Variants in ZNF398 observed in about 807,000 individuals in gnomAD.
The protein encoded by ZNF398 is zinc finger DNA binding protein ZER6.
Under a neutral mutation model 41.9 loss-of-function variants are expected in ZNF398, and 18 were observed. That is an observed-to-expected ratio of 0.43 (90% CI 0.30 to 0.64). The LOEUF is 0.64. Among genes scored for constraint, ZNF398 ranks in the 30% least tolerant of loss-of-function variants. The pLI, the probability that ZNF398 is intolerant of heterozygous loss-of-function variation, is 0.14. For synonymous variants in ZNF398, 260 were observed against 308.8 expected (o/e 0.84, Z 1.66); for missense variants, 669 against 822.8 (o/e 0.81, Z 2.29).
At chr7:149,133,674 T>TATATAC (rs1345401645) in intron 2 of ZNF398, among the ~76,000 whole-genome samples, 2 of 53,260 alleles carry the variant, frequency 3.8e-5, no homozygotes, top group Non-Finnish European at 3.6e-5. Context: ...TATATATATA[T>TATATAC]ATATACATAT....
chr7:149,135,612 A>G (rs1320217849), intron 2 of ZNF398, among the ~76,000 whole-genome samples: 1 of 151,260 alleles, frequency 6.6e-6, no homozygotes, highest in Non-Finnish European at 1.5e-5. Flanking sequence ...ACACCTGGAG[A>G]ACTTATCCAT....
chr7:149,133,119 C>CT (rs146675534), intron 2 of ZNF398, among the ~76,000 whole-genome samples: 311 of 143,300 alleles, frequency 2.2e-3, no homozygotes, highest in Admixed American at 3.7e-3. Flanking sequence ...ATCAGTAAGG[C>CT]TTTTTTTTTT....
intron 2 of ZNF398, among the ~76,000 whole-genome samples, chr7:149,141,152 T>C (rs948039873): frequency 2.0e-5 from 3 of 152,000 alleles, no homozygotes; most frequent in Non-Finnish European, 4.4e-5. Context: ...GAGAATCTCA[T>C]CTACAACACA....
chr7:149,126,418 G>T, exon 1 of ZNF398: 2 of 976,238 alleles, frequency 2.0e-6, no homozygotes, highest in Non-Finnish European at 2.9e-6. Flanking sequence ...AGAGGGAGTC[G>T]GTCCTCAGAG....
chr7:149,141,456 C>CT (rs60019784), intron 2 of ZNF398, among the ~76,000 whole-genome samples: 2,913 of 128,208 alleles, frequency 0.023, 73 homozygotes, highest in African/African-American at 0.053. Context: ...TCTTTTTTTT[C>CT]TTTTTTTTTT....
At chr7:149,149,729 C>T (rs1251000913) in intron 1 of ZNF398, among the ~76,000 whole-genome samples, 1 of 151,994 alleles carries the variant, frequency 6.6e-6, no homozygotes, top group Admixed American at 6.6e-5. Context: ...ACTTGTACTC[C>T]CAGCTACTCA....
chr7:149,153,364 G>A lies in ZNF398; in HGVS notation c.25-581G>A, dbSNP rs561268739. On this transcript the variant is annotated intron_variant, in intron 1 of 5. Transcript: ENST00000475153. ...CAAAGTTTGCCTGTCTGAAAATTTC[G>A]TTATGTTGGTTCTAGTTCTGCCCTC... Among the ~76,000 whole-genome samples the A allele has an allele frequency of 5.3e-5, 8 of 152,242 alleles. No homozygotes were observed. The South Asian group carries it at 1.5e-3, about 28-fold the overall frequency.
At position 149,133,846 on chromosome 7, in the gene ZNF398, C is replaced by T. The variant is rs180720692; in HGVS notation, c.-490+4902C>T. 5.8e-4 allele frequency among the ~76,000 whole-genome samples: 85 copies of T among 145,428 alleles called. No individual in the cohort carries two copies. The East Asian group carries it at 0.014, about 24-fold the overall frequency. On this transcript the variant is annotated intron_variant, in intron 2 of 6. Transcript: ENST00000426851. Reference sequence around the variant, plus strand: ...GGCTCACCGCAACCTCTGCCTCCTGCGTTCAAGCGATTCTCCTGCCTCAGC... The same window carrying T: ...GGCTCACCGCAACCTCTGCCTCCTGTGTTCAAGCGATTCTCCTGCCTCAGC...
At chr7:149,155,704 TA>T (rs1484629796) in intron 2 of ZNF398, among the ~76,000 whole-genome samples, 221 of 49,558 alleles carry the variant, frequency 4.5e-3, no homozygotes, top group African/African-American at 7.5e-3. Context: ...TATATATATA[TA>T]TATTTTTTTT....
Position 149,179,680 on chromosome 7 carries a change from A to G in ZNF398, c.1808A>G (p.Gln603Arg), listed in dbSNP as rs1207610797. 1 of 1,614,218 alleles carries G rather than the reference A, an allele frequency of 6.2e-7. No homozygotes were observed. Among genetic ancestry groups the G allele is most frequent in the Admixed American group, 1.7e-5 (1 of 60,014 alleles). Residue 603 changes from glutamine (Q) to arginine (R), a missense_variant, in exon 6 of 6, where the codon CAG (glutamine) becomes CGG (arginine). By Grantham distance (43) the Gln-to-Arg change is conservative (BLOSUM62 1). Around this residue, in one of 3 missense-constraint regions of ZNF398, gnomAD observed 210 missense variants for 290.4 expected, o/e 0.72. Coordinates refer to ENST00000475153, the MANE Select transcript of ZNF398 (RefSeq NM_170686.3). This position sits in a 1 kb window ranked among gnomAD's most constrained non-coding sequence, Gnocchi z 6.1. ...GCGGDSDPSG[Q>R]PPNPPGPLIT... ...GGGGGTGATAGTGACCCATCAGGTC[A>G]GCCACCCAACCCACCAGGTCCCCTC...
At chr7:149,177,332 C>T (rs1345669134) in intron 5 of ZNF398, among the ~76,000 whole-genome samples, 2 of 152,000 alleles carry the variant, frequency 1.3e-5, no homozygotes, top group African/African-American at 2.4e-5. Context: ...CTTGGTGACT[C>T]GTGCCTGTAA....
At chr7:149,156,092 A>C (rs1794971014) in intron 2 of ZNF398, among the ~76,000 whole-genome samples, 1 of 152,072 alleles carries the variant, frequency 6.6e-6, no homozygotes, top group African/African-American at 2.4e-5. Flanking sequence ...GAAGAACTGA[A>C]GAAGGGAGGA....
chr7:149,156,039 G>A (rs988721254), intron 2 of ZNF398, among the ~76,000 whole-genome samples: 5 of 151,850 alleles, frequency 3.3e-5, no homozygotes, highest in Non-Finnish European at 4.4e-5. Context: ...TTTATATATT[G>A]AAAGAATCCC....
In ZNF398 at chr7:149,179,081, T is replaced by G; in HGVS notation, c.1209T>G (p.Cys403Trp). The G allele has an allele frequency of 1.9e-6, 3 of 1,613,960 alleles. No homozygotes were observed. Among genetic ancestry groups the G allele is most frequent in the Non-Finnish European group, 2.5e-6 (3 of 1,179,996 alleles). Reference protein sequence around the residue: ...ASETPPTCPHCARTFTHPSRL... With the variant: ...ASETPPTCPHWARTFTHPSRL... ...AGACACCCCCCACCTGCCCACACTG[T>G]GCCAGGACTTTTACTCACCCATCAA... Residue 403 changes from cysteine (C) to tryptophan (W), a missense_variant, in exon 6 of 6, where the codon TGT (cysteine) becomes TGG (tryptophan). This residue lies in a region of ZNF398 where 290 missense variants were observed against 292.9 expected (regional missense o/e 0.99). Coordinates refer to ENST00000475153, the MANE Select transcript of ZNF398 (RefSeq NM_170686.3). This position sits in a 1 kb window ranked among gnomAD's most constrained non-coding sequence, Gnocchi z 6.1.
At position 149,179,147 on chromosome 7, in the gene ZNF398, T is replaced by C. The variant is rs79830630; in HGVS notation, c.1275T>C (p.Arg425=). 1.4e-4 allele frequency: 221 copies of C among 1,613,946 alleles called. No individual in the cohort carries two copies. The African/African-American group carries it at 2.3e-3, about 17-fold the overall frequency. ...YHLRVHNSTE[R]PFPCPDCPKR... Reference sequence around the variant, plus strand: ...TTCGGGTCCATAACAGCACTGAGCGTCCTTTCCCCTGTCCTGATTGCCCCA... The same window carrying C: ...TTCGGGTCCATAACAGCACTGAGCGCCCTTTCCCCTGTCCTGATTGCCCCA... Residue 425 remains arginine, a synonymous_variant, in exon 6 of 6, where the codon CGT becomes CGC. Coordinates refer to ENST00000475153, the MANE Select transcript of ZNF398 (RefSeq NM_170686.3). The surrounding 1 kb of genome is among the most constrained non-coding windows in gnomAD (Gnocchi z 6.1).
At chr7:149,152,015 G>A (rs1439624451) in intron 1 of ZNF398, among the ~76,000 whole-genome samples, 1 of 151,868 alleles carries the variant, frequency 6.6e-6, no homozygotes, top group Non-Finnish European at 1.5e-5. Context: ...GGCGGATCAC[G>A]AGGTCAGGCT....
At chr7:149,135,811 G>T (rs1453180371) in intron 2 of ZNF398, among the ~76,000 whole-genome samples, 1 of 152,184 alleles carries the variant, frequency 6.6e-6, no homozygotes, top group East Asian at 1.9e-4. Context: ...TCAAAAATTA[G>T]CTGGGCATGG....
chr7:149,159,963 T>G (rs1402041921), intron 2 of ZNF398, among the ~76,000 whole-genome samples: 1 of 152,058 alleles, frequency 6.6e-6, no homozygotes, highest in Non-Finnish European at 1.5e-5. Context: ...TGACCTCAAG[T>G]GATCCTTCTT....
intron 4 of ZNF398, among the ~76,000 whole-genome samples, chr7:149,171,140 G>A (rs973540102): frequency 8.6e-5 from 13 of 150,520 alleles, no homozygotes; most frequent in African/African-American, 2.9e-4. Flanking sequence ...GAGCCACCGC[G>A]CCTGGCCAAG....
Sources: allele counts gnomAD v4.1 joint callset (sites outside exome capture counted in the v4.1 genomes callset), GRCh38; gene constraint gnomAD v4.1.1; regional missense constraint gnomAD v4.1.1; non-coding constraint Gnocchi (gnomAD v3.1); transcripts MANE v1.5; gene names NCBI Gene and HGNC (gene_info 2026-07-23, HGNC 2026-07-21).